SPATA17: variants seen among roughly 807,000 people sequenced by gnomAD.
SPATA17 encodes the protein spermatogenesis associated 17.
A neutral mutation model predicts 62.2 loss-of-function variants in SPATA17; 53 were observed. The observed-to-expected ratio is 0.85, with a 90% CI of 0.68 to 1.07. The LOEUF is 1.07. Ranked by LOEUF, SPATA17 falls within the 50% of genes least tolerant of loss-of-function variation. The pLI is 0.00. For missense variants in SPATA17, 466 were observed against 425.5 expected (o/e 1.10, Z -0.84); for synonymous variants, 146 against 146.8 (o/e 0.99, Z 0.04).
chr1:217,850,463 C>T lies in SPATA17; in HGVS notation c.1006-12311C>T. ...GTCAACTCTTTCTGGATGTTGTAGT[C>T]AGAAAGAGTACAGCCTCTTCTAGCT... On this transcript the variant is annotated intron_variant, in intron 9 of 10. Transcript: ENST00000366933. The T allele has an allele frequency of 2.3e-6, 3 of 1,312,838 alleles. No individual in the cohort carries two copies. In the South Asian group the frequency reaches 3.6e-5, roughly 16 times the overall value. 81.3% of individuals were successfully genotyped at this position (1,312,838 alleles called of 1,614,324 possible). A position where few individuals can be genotyped will look rare whatever the true frequency, so the allele number is the denominator to read the frequency against.
At chr1:217,669,122 A>G (rs770743572) in intron 4 of SPATA17, 39 bp downstream of exon 4, 11 of 1,567,312 alleles carry the variant, frequency 7.0e-6, no homozygotes, top group African/African-American at 5.4e-5. Context: ...TGAAAAGTCA[A>G]TTGTGCCCTG....
intron 3 of SPATA17, among the ~76,000 whole-genome samples, chr1:217,655,283 T>C (rs1670418449): frequency 6.6e-6 from 1 of 152,200 alleles, no homozygotes; most frequent in South Asian, 2.1e-4. Flanking sequence ...TTTTTCAGAT[T>C]ATTTCTCAAT....
intron 6 of SPATA17, among the ~76,000 whole-genome samples, chr1:217,757,576 G>A (rs1673078802): frequency 6.6e-6 from 1 of 152,132 alleles, no homozygotes; most frequent in South Asian, 2.1e-4. Flanking sequence ...AGGGCAGAGA[G>A]AAGCCCATAA....
chr1:217,633,472 A>G (rs1217671841), intron 1 of SPATA17, among the ~76,000 whole-genome samples: 1 of 151,334 alleles, frequency 6.6e-6, no homozygotes, highest in Non-Finnish European at 1.5e-5. Context: ...TTGGCCAGGC[A>G]CAGTGGCTCA....
intron 7 of SPATA17, among the ~76,000 whole-genome samples, chr1:217,775,627 G>A (rs928206020): frequency 1.3e-4 from 19 of 151,944 alleles, no homozygotes; most frequent in Non-Finnish European, 1.8e-4. Flanking sequence ...ACTTGAACTC[G>A]GGAGGCGGAG....
chr1:217,765,778 G>A (rs1673285409), intron 6 of SPATA17, among the ~76,000 whole-genome samples: 1 of 151,978 alleles, frequency 6.6e-6, no homozygotes, highest in Admixed American at 6.5e-5. Flanking sequence ...CACTATAATA[G>A]TGGATTCATC....
chr1:217,744,555 GTTTTAAGT>G (rs1215114945), intron 6 of SPATA17, among the ~76,000 whole-genome samples: 5 of 151,458 alleles, frequency 3.3e-5, no homozygotes, highest in Admixed American at 6.6e-5. Context: ...TTACCATTGT[GTTTTAAGT>G]ATATTTGTAT....
At chr1:217,778,219 T>A (rs1673640676) in intron 7 of SPATA17, among the ~76,000 whole-genome samples, 1 of 152,116 alleles carries the variant, frequency 6.6e-6, no homozygotes, top group African/African-American at 2.4e-5. Context: ...TTTTTAATAA[T>A]CCACACTGCT....
chr1:217,787,684 T>C (rs947132448), intron 8 of SPATA17, among the ~76,000 whole-genome samples: 9 of 152,232 alleles, frequency 5.9e-5, no homozygotes, highest in African/African-American at 1.9e-4. Context: ...TCAACCCTTT[T>C]TTGTGTATCT....
At chr1:217,852,220 A>G (rs1321947925) in intron 9 of SPATA17, among the ~76,000 whole-genome samples, 1 of 152,152 alleles carries the variant, frequency 6.6e-6, no homozygotes, top group Admixed American at 6.5e-5. Flanking sequence ...TGCCCAGACA[A>G]TGCATCAAGT....
intron 9 of SPATA17, among the ~76,000 whole-genome samples, chr1:217,846,094 C>T (rs571492868): frequency 6.6e-6 from 1 of 151,828 alleles, no homozygotes; most frequent in East Asian, 1.9e-4. Flanking sequence ...TTGGATAGGC[C>T]CTACCCATAT....
At chr1:217,759,442 G>C (rs948322807) in intron 6 of SPATA17, among the ~76,000 whole-genome samples, 1 of 151,968 alleles carries the variant, frequency 6.6e-6, no homozygotes, top group Non-Finnish European at 1.5e-5. Context: ...CTGGGCAAAA[G>C]AGTAAGACTA....
chr1:217,639,812 T>C (rs1670017432), intron 1 of SPATA17, among the ~76,000 whole-genome samples: 1 of 152,032 alleles, frequency 6.6e-6, no homozygotes, highest in African/African-American at 2.4e-5. Flanking sequence ...TATCAATTTT[T>C]TCACCACTCT....
intron 9 of SPATA17, among the ~76,000 whole-genome samples, chr1:217,851,507 T>C (rs1329224258): frequency 1.3e-5 from 2 of 152,116 alleles, no homozygotes; most frequent in African/African-American, 4.8e-5. Flanking sequence ...AAGAAAAAAC[T>C]GTGACAGAAC....
chr1:217,719,304 T>C (rs1228645987), intron 5 of SPATA17, among the ~76,000 whole-genome samples: 2 of 152,238 alleles, frequency 1.3e-5, no homozygotes, highest in Non-Finnish European at 2.9e-5. Flanking sequence ...TATTTCTTTC[T>C]CATTTTCTAT....
At chr1:217,738,877 A>C (rs1672569359) in intron 5 of SPATA17, among the ~76,000 whole-genome samples, 1 of 152,164 alleles carries the variant, frequency 6.6e-6, no homozygotes, top group African/African-American at 2.4e-5. Flanking sequence ...GCTTGAACCC[A>C]GGAGGCAGAG....
chr1:217,733,586 G>A (rs942705807), intron 5 of SPATA17, among the ~76,000 whole-genome samples: 1 of 152,072 alleles, frequency 6.6e-6, no homozygotes, highest in Non-Finnish European at 1.5e-5. Context: ...CTACTTGAAG[G>A]CAAGTACTAC....
intron 8 of SPATA17, among the ~76,000 whole-genome samples, chr1:217,793,844 G>A (rs1035622775): frequency 6.6e-6 from 1 of 151,932 alleles, no homozygotes; most frequent in African/African-American, 2.4e-5. Flanking sequence ...GGCCGGGTGC[G>A]GTGGCTCACG....
chr1:217,761,435 T>A (rs565560104), intron 6 of SPATA17, among the ~76,000 whole-genome samples: 2 of 152,200 alleles, frequency 1.3e-5, no homozygotes, highest in Non-Finnish European at 2.9e-5. Context: ...ACACCAGGCA[T>A]CCTAACTCCA....
Sources: gnomAD v4.1 joint callset for allele counts (sites outside exome capture counted in the v4.1 genomes callset) on GRCh38, gnomAD v4.1.1 for gene constraint, MANE v1.5 for transcripts, NCBI Gene and HGNC (gene_info 2026-07-23, HGNC 2026-07-21) for gene names.